The following PGM1 variants were observed in gnomAD, a reference collection of about 807,000 sequenced individuals.
PGM1 encodes phosphoglucomutase 1.
PGM1 carries 52 observed loss-of-function variants against 55.6 expected under a neutral mutation model. The ratio of observed to expected loss-of-function variants is 0.94; its 90% CI spans 0.75 to 1.18. The LOEUF is 1.18. PGM1 is among the 50% of genes most tolerant of loss of function. PGM1 has a pLI of 0.00. For missense variants in PGM1, 724 were observed against 729.3 expected (o/e 0.99, Z 0.08); for synonymous variants, 287 against 271.7 (o/e 1.06, Z -0.55).
At chr1:63,640,991 G>C (rs1649499564) in intron 7 of PGM1, among the ~76,000 whole-genome samples, 1 of 152,180 alleles carries the variant, frequency 6.6e-6, no homozygotes, top group Non-Finnish European at 1.5e-5. Context: ...CTTTATGTTA[G>C]TTTTTAGGAA....
At chr1:63,605,164 A>G (rs1388051862) in intron 1 of PGM1, among the ~76,000 whole-genome samples, 1 of 152,148 alleles carries the variant, frequency 6.6e-6, no homozygotes, top group Non-Finnish European at 1.5e-5. Context: ...AAGAGTGGAC[A>G]TTGGAGAAGG....
chr1:63,609,365 GT>G (rs532354172), intron 1 of PGM1, among the ~76,000 whole-genome samples: 255 of 152,344 alleles, frequency 1.7e-3, no homozygotes, highest in African/African-American at 5.9e-3. Context: ...ATGTGAATGT[GT>G]TCATTTGACA....
At chr1:63,622,046 G>T (rs1194993369) in intron 1 of PGM1, among the ~76,000 whole-genome samples, 1 of 152,042 alleles carries the variant, frequency 6.6e-6, no homozygotes, top group Non-Finnish European at 1.5e-5. Flanking sequence ...TAATTCCTCA[G>T]TGCATGTTTG....
At position 63,659,639 on chromosome 1, in the gene PGM1, G is replaced by C. The variant is rs368700493; in HGVS notation, c.1653G>C (p.Glu551Asp). ...CTCTGAAAGTGTCCCAGCTGCAGGAGAGGACGGGACGCACTGCACCCACTG... is the reference window on the plus strand; with the variant it reads ...CTCTGAAAGTGTCCCAGCTGCAGGACAGGACGGGACGCACTGCACCCACTG... ...SIALKVSQLQERTGRTAPTVI... is the reference protein window; with the variant it reads ...SIALKVSQLQDRTGRTAPTVI... Residue 551 changes from glutamate (E) to aspartate (D), a missense_variant, in exon 11 of 11, where the codon GAG (glutamate) becomes GAC (aspartate). Physicochemically the swap from Glu to Asp is conservative, Grantham distance 45. This residue lies in a region of PGM1 where 316 missense variants were observed against 313.1 expected (regional missense o/e 1.01). Coordinates refer to ENST00000371084, the MANE Select transcript of PGM1 (RefSeq NM_002633.3). The C allele has an allele frequency of 1.9e-6, 3 of 1,614,074 alleles. No homozygotes were observed. The highest frequency in any genetic ancestry group is 2.5e-6 in the Non-Finnish European group (3 of 1,179,986).
At chr1:63,648,912 A>G (rs917424550) in intron 8 of PGM1, among the ~76,000 whole-genome samples, 5 of 152,230 alleles carry the variant, frequency 3.3e-5, no homozygotes, top group Non-Finnish European at 7.3e-5. Context: ...AAATGTGTCC[A>G]TTGGGTGGAC....
chr1:63,606,701 C>T (rs1433558699), intron 1 of PGM1, among the ~76,000 whole-genome samples: 2 of 152,236 alleles, frequency 1.3e-5, no homozygotes, highest in Non-Finnish European at 2.9e-5. Context: ...TCAAGCTAAA[C>T]ATTGGGGATT....
chr1:63,650,565 TTC>T (rs1438780789), intron 8 of PGM1, among the ~76,000 whole-genome samples: 2 of 152,218 alleles, frequency 1.3e-5, no homozygotes, highest in Non-Finnish European at 2.9e-5. Flanking sequence ...TCCTCAGCAT[TTC>T]TCATGTCTCA....
At position 63,593,525 on chromosome 1, in the gene PGM1, C is replaced by G; in HGVS notation, c.37C>G (p.Gln13Glu). 1.2e-6 allele frequency: 2 copies of G among 1,613,880 alleles called. No homozygotes were observed. Among genetic ancestry groups the G allele is most frequent in the Non-Finnish European group, 1.7e-6 (2 of 1,179,930 alleles). ...CGTGACAGTTAAGACCCAGGCGTAC[C>G]AGGACCAGAAGCCGGGCACGAGCGG... ...KIVTVKTQAY[Q>E]DQKPGTSGLR... The change falls in exon 1 of 11, where the codon CAG becomes GAG. Residue 13 changes from glutamine to glutamate, a missense_variant. By Grantham distance (29) the Gln-to-Glu change is conservative. Transcript: ENST00000371084.
At chr1:63,606,989 T>G (rs1570474692) in intron 1 of PGM1, among the ~76,000 whole-genome samples, 2 of 152,380 alleles carry the variant, frequency 1.3e-5, no homozygotes, top group East Asian at 3.9e-4. Context: ...ACATACTATA[T>G]AATTTACCCA....
intron 7 of PGM1, among the ~76,000 whole-genome samples, chr1:63,642,604 T>A (rs1412156019): frequency 2.6e-5 from 4 of 152,190 alleles, no homozygotes; most frequent in Non-Finnish European, 5.9e-5. Flanking sequence ...ATTTGAACCC[T>A]TCCTCAGGAA....
intron 1 of PGM1, among the ~76,000 whole-genome samples, chr1:63,606,163 T>C (rs1648412487): frequency 6.6e-6 from 1 of 152,196 alleles, no homozygotes. Flanking sequence ...CTGCCAACCA[T>C]TTGTCTCAAG....
At position 63,660,006 on chromosome 1, in the gene PGM1, C is replaced by T; in HGVS notation, c.*331C>T. On this transcript the variant is annotated 3_prime_UTR_variant, in exon 11 of 11. Transcript: ENST00000371084. ...GGTGGAGCATCAGCAGTGAGTGAGG[C>T]CATTCTTCATCCTTAGGATGTGGCA... 4.8e-6 allele frequency: 2 copies of T among 418,638 alleles called. No individual in the cohort carries two copies. The highest frequency in any genetic ancestry group is 5.1e-5 in the South Asian group (2 of 39,492). The allele number at this position is 418,638 out of a possible 1,614,324, so 25.9% of individuals were successfully genotyped here.
At chr1:63,634,740 G>T (rs1243333694) in intron 4 of PGM1, 89 bp from the exon 5 acceptor site, 3 of 1,061,820 alleles carry the variant, frequency 2.8e-6, no homozygotes, top group Non-Finnish European at 4.4e-6. Flanking sequence ...CTTCTCCCCA[G>T]AATGCATCCA....
In PGM1 at chr1:63,636,234, G is replaced by T; in HGVS notation, c.874G>T (p.Asp292Tyr). 1 of 1,614,002 alleles carries T rather than the reference G, an allele frequency of 6.2e-7. No individual in the cohort carries two copies. Among genetic ancestry groups the T allele is most frequent in the Non-Finnish European group, 8.5e-7 (1 of 1,179,862 alleles). The change falls in exon 6 of 11, where the codon GAT (aspartate) becomes TAT (tyrosine). Residue 292 changes from aspartate (D) to tyrosine (Y), a missense_variant and splice_region_variant. Asp to Tyr is a radical substitution (Grantham distance 160). Transcript: ENST00000371084. ...DFGAAFDGDG[D>Y]RNMILGKHGF... The stretch of plus-strand genomic sequence containing the variant: ...TCTTTGATCCTCTCTTCTCCCCAAG[G>T]ATCGAAACATGATTCTGGGCAAGCA...
chr1:63,636,410 G>T (rs1450484656), intron 6 of PGM1, 22 bp downstream of exon 6: 4 of 1,613,016 alleles, frequency 2.5e-6, no homozygotes, highest in Non-Finnish European at 3.4e-6. Context: ...CATTCCCTTG[G>T]CCTTCCTGTC....
chr1:63,605,102 A>G (rs940970000), intron 1 of PGM1, among the ~76,000 whole-genome samples: 5 of 152,146 alleles, frequency 3.3e-5, no homozygotes, highest in Admixed American at 6.5e-5. Context: ...CCCTGGTTCC[A>G]CCCTCAGGGA....
chr1:63,652,346 C>T (rs1046973104), intron 9 of PGM1, among the ~76,000 whole-genome samples: 1 of 152,180 alleles, frequency 6.6e-6, no homozygotes, highest in African/African-American at 2.4e-5. Flanking sequence ...GACTTAGAAA[C>T]GTTGACCATC....
rs55760196 is a variant in PGM1, at chr1:63,647,259, CATATATATATATATATATAT to C, written c.1145-1228_1145-1209del. ...CTCCGTCTCAAAAAATAAAATTTTA[CATATATATATATATATATAT>C]ATATATATATATATATATATATATA... On this transcript the variant is annotated intron_variant, in intron 7 of 10. Coordinates refer to ENST00000371084, the MANE Select transcript of PGM1 (RefSeq NM_002633.3). 7.1e-3 allele frequency among the ~76,000 whole-genome samples: 394 copies of C among 55,418 alleles called. 5 individuals carry two copies. Among genetic ancestry groups the C allele is most frequent in the East Asian group, 0.015 (37 of 2,512 alleles). The allele number at this position is 55,418 out of a possible 152,430, so 36.4% of individuals were successfully genotyped here.
chr1:63,616,638 G>A (rs1648719331), intron 1 of PGM1, among the ~76,000 whole-genome samples: 1 of 152,222 alleles, frequency 6.6e-6, no homozygotes. Context: ...TTGGGTAGAT[G>A]GATGGGTGAA....
Sources: gnomAD v4.1 joint callset for allele counts (sites outside exome capture counted in the v4.1 genomes callset) on GRCh38, gnomAD v4.1.1 for gene constraint, gnomAD v4.1.1 regional missense constraint, MANE v1.5 for transcripts, NCBI Gene and HGNC (gene_info 2026-07-23, HGNC 2026-07-21) for gene names.